The following ZNF385B variants were observed in gnomAD, a reference collection of about 807,000 sequenced individuals.
ZNF385B encodes the protein zinc finger protein 533.
Under a neutral mutation model 39.2 loss-of-function variants are expected in ZNF385B, and 23 were observed. The ratio of observed to expected loss-of-function variants is 0.59; its 90% confidence interval spans 0.42 to 0.83. ZNF385B has a LOEUF of 0.83. Ranked by LOEUF, ZNF385B falls within the 40% of genes least tolerant of loss-of-function variation. The pLI is 0.00. For synonymous variants in ZNF385B, 205 were observed against 222.6 expected (o/e 0.92, Z 0.70); for missense variants, 552 against 598.9 (o/e 0.92, Z 0.82).
chr2:179,475,251 A>ATTTTT, intron 6 of ZNF385B, among the ~76,000 whole-genome samples: 1 of 136,952 alleles, frequency 7.3e-6, no homozygotes, highest in African/African-American at 2.7e-5. Context: ...TTATCGCACA[A>ATTTTT]TTTTTTTTTT....
At chr2:179,570,156 G>A (rs551815327) in intron 3 of ZNF385B, among the ~76,000 whole-genome samples, 8 of 152,244 alleles carry the variant, frequency 5.3e-5, no homozygotes, top group African/African-American at 1.9e-4. Context: ...ATCCAGCCAA[G>A]AGAGTCCATC....
chr2:179,723,889 CA>C (rs750087432), intron 3 of ZNF385B, among the ~76,000 whole-genome samples: 1 of 151,812 alleles, frequency 6.6e-6, no homozygotes, highest in African/African-American at 2.4e-5. Flanking sequence ...CAATTGGGAC[CA>C]AAACAATAAA....
At chr2:179,816,254 A>G (rs988552943) in intron 1 of ZNF385B, among the ~76,000 whole-genome samples, 1 of 152,028 alleles carries the variant, frequency 6.6e-6, no homozygotes, top group Non-Finnish European at 1.5e-5. Flanking sequence ...TGCAAATTCT[A>G]TTTACCCTGT....
In ZNF385B at chr2:179,464,905, C is replaced by G. The variant is rs560510621; in HGVS notation, c.716-18135G>C. Among the ~76,000 whole-genome samples the G allele has an allele frequency of 7.9e-5, 12 of 152,170 alleles. No individual in the cohort carries two copies. The South Asian group carries it at 2.5e-3, about 32-fold the overall frequency. ...ACACTTGATTCTTTTTTTCTGTCTA[C>G]AAATGCTGAAATCTCCATGTTCTAA... On this transcript the variant is annotated intron_variant, in intron 6 of 9. Coordinates refer to ENST00000410066, the MANE Select transcript of ZNF385B (RefSeq NM_152520.6).
chr2:179,781,499 CAGA>C lies in ZNF385B; in HGVS notation c.-154-10830_-154-10828del, dbSNP rs1227617380. On this transcript the variant is annotated intron_variant, in intron 1 of 9. Transcript: ENST00000410066. ...CTTTACCTTCACTGTATGTCAATTC[CAGA>C]AGGATTGCAAATCTAAATGTTAAAG... Among the ~76,000 whole-genome samples, 5 of 152,080 alleles carry C rather than the reference CAGA, an allele frequency of 3.3e-5. No homozygotes were observed. The East Asian group carries it at 9.6e-4, about 29-fold the overall frequency.
At chr2:179,659,567 T>C (rs952081520) in intron 3 of ZNF385B, among the ~76,000 whole-genome samples, 3 of 152,104 alleles carry the variant, frequency 2.0e-5, no homozygotes, top group African/African-American at 7.2e-5. Context: ...ACTAAAAATA[T>C]ACAGCATATT....
At chr2:179,720,637 A>G (rs1350490140) in intron 3 of ZNF385B, among the ~76,000 whole-genome samples, 1 of 152,190 alleles carries the variant, frequency 6.6e-6, no homozygotes, top group Non-Finnish European at 1.5e-5. Flanking sequence ...CTCTATCAGC[A>G]TAAATGGACT....
At chr2:179,842,740 A>G (rs1031567451) in intron 1 of ZNF385B, among the ~76,000 whole-genome samples, 5 of 152,070 alleles carry the variant, frequency 3.3e-5, no homozygotes, top group Non-Finnish European at 5.9e-5. Context: ...CCAGATGAAG[A>G]GTCACTGGTA....
chr2:179,752,510 A>G (rs1702742032), intron 3 of ZNF385B, among the ~76,000 whole-genome samples: 1 of 152,228 alleles, frequency 6.6e-6, no homozygotes, highest in South Asian at 2.1e-4. Flanking sequence ...GAATTGCCAC[A>G]CTATCTTCCA....
intron 3 of ZNF385B, among the ~76,000 whole-genome samples, chr2:179,700,854 A>G (rs757931351): frequency 1.3e-5 from 2 of 152,186 alleles, no homozygotes; most frequent in Non-Finnish European, 2.9e-5. Context: ...CCTACTAAAA[A>G]TACAAAAAAA....
chr2:179,554,068 T>C lies in ZNF385B; in HGVS notation c.299-9099A>G, dbSNP rs372257414. Among the ~76,000 whole-genome samples the C allele has an allele frequency of 1.2e-3, 186 of 149,006 alleles. 11 individuals are homozygous for C. The highest frequency in any genetic ancestry group is 4.3e-3 in the African/African-American group (170 of 39,556). On this transcript the variant is annotated intron_variant, in intron 3 of 9. Coordinates refer to ENST00000410066, the MANE Select transcript of ZNF385B (RefSeq NM_152520.6). The stretch of plus-strand genomic sequence containing the variant: ...AAATAAGAGTAGCTATATCATAGGA[T>C]GGGTGGGAAAACTAACTGAGGTTTT...
chr2:179,470,043 T>C (rs879561478), intron 6 of ZNF385B, among the ~76,000 whole-genome samples: 18 of 152,200 alleles, frequency 1.2e-4, no homozygotes, highest in Non-Finnish European at 1.9e-4. Flanking sequence ...TCAGTGTCGT[T>C]GGGATCTGTG....
chr2:179,765,703 C>T (rs1287653446), intron 3 of ZNF385B, among the ~76,000 whole-genome samples: 1 of 152,070 alleles, frequency 6.6e-6, no homozygotes, highest in African/African-American at 2.4e-5. Flanking sequence ...GTCCATCTGC[C>T]CACCCTTGCT....
chr2:179,470,866 G>GAAACAAAC (rs56072176), intron 6 of ZNF385B, among the ~76,000 whole-genome samples: 11,666 of 151,170 alleles, frequency 0.077, 587 homozygotes, highest in Middle Eastern at 0.16. Context: ...GTATGTCCCT[G>GAAACAAAC]AAACAAACAA....
chr2:179,757,540 G>T (rs542882167), intron 3 of ZNF385B, among the ~76,000 whole-genome samples: 6 of 152,168 alleles, frequency 3.9e-5, no homozygotes, highest in African/African-American at 1.4e-4. Context: ...CTTTTGTTTG[G>T]CTATGCCCTG....
At chr2:179,735,764 C>T (rs1156835770) in intron 3 of ZNF385B, among the ~76,000 whole-genome samples, 1 of 151,052 alleles carries the variant, frequency 6.6e-6, no homozygotes, top group African/African-American at 2.4e-5. Flanking sequence ...TCATCATTCT[C>T]AGTAAACTAT....
chr2:179,816,003 A>AAC lies in ZNF385B; in HGVS notation c.-155+45096_-155+45097dup, dbSNP rs151173257. 5.6e-3 allele frequency among the ~76,000 whole-genome samples: 844 copies of AAC among 149,934 alleles called. 10 individuals are homozygous for AAC. The highest frequency in any genetic ancestry group is 0.016 in the African/African-American group (664 of 40,932). On this transcript the variant is annotated intron_variant, in intron 1 of 9. Coordinates refer to ENST00000410066, the MANE Select transcript of ZNF385B (RefSeq NM_152520.6). ...GTTTGTACACTGACAACTTACATAT[A>AAC]ACACACACACACACACACACCTGCA...
intron 3 of ZNF385B, among the ~76,000 whole-genome samples, chr2:179,763,059 C>A (rs1329495291): frequency 1.3e-5 from 2 of 152,110 alleles, no homozygotes; most frequent in African/African-American, 4.8e-5. Flanking sequence ...CACTTGTCAC[C>A]ATGCTAGGTA....
rs145765018 is a variant in ZNF385B, at chr2:179,708,409, T to G, written c.298+61094A>C. 3.9e-4 allele frequency among the ~76,000 whole-genome samples: 59 copies of G among 152,294 alleles called. No homozygotes were observed. In the East Asian group the frequency reaches 0.011, roughly 28 times the overall value. ...TTATAAATTACCCAGTCTTAGGTAG[T>G]ACCTTTATAGCAATGTGAAAACAGA... On this transcript the variant is annotated intron_variant, in intron 3 of 9. Coordinates refer to ENST00000410066, the MANE Select transcript of ZNF385B (RefSeq NM_152520.6).
Sources: gnomAD v4.1 joint callset for allele counts (sites outside exome capture counted in the v4.1 genomes callset) on GRCh38, gnomAD v4.1.1 for gene constraint, MANE v1.5 for transcripts, NCBI Gene and HGNC (gene_info 2026-07-23, HGNC 2026-07-21) for gene names.